TCF12: variants seen among roughly 807,000 people sequenced by gnomAD.
TCF12 encodes the protein transcription factor 12, also known as DNA-binding protein HTF4.
TCF12 carries 45 observed loss-of-function variants against 86.0 expected under a neutral mutation model. The observed-to-expected ratio is 0.52, with a 90% CI of 0.41 to 0.67. The LOEUF (loss-of-function observed/expected upper bound fraction) is 0.67, where lower values mean the gene tolerates loss of function less well. Among genes scored for constraint, TCF12 ranks in the 30% least tolerant of loss-of-function variants. TCF12 has a pLI of 0.00. For missense variants in TCF12, 881 were observed against 859.9 expected, an observed-to-expected ratio of 1.02 and a Z score of -0.31; for synonymous variants, 330 against 299.6, an observed-to-expected ratio of 1.10 and a Z score of -1.05.
chr15:57,135,348 GT>G (rs1227228429), intron 5 of TCF12, among the ~76,000 whole-genome samples: 14 of 152,158 alleles, frequency 9.2e-5, no homozygotes, highest in Non-Finnish European at 1.5e-5. Context: ...ATGAAAACAT[GT>G]ATTCTGAGCA....
At chr15:57,150,980 C>T (rs1417642162) in intron 5 of TCF12, among the ~76,000 whole-genome samples, 7 of 144,024 alleles carry the variant, frequency 4.9e-5, no homozygotes, top group Non-Finnish European at 9.0e-5. Flanking sequence ...CCCCTTTCCC[C>T]TTTTTTCTCC....
intron 3 of TCF12, among the ~76,000 whole-genome samples, chr15:56,989,556 G>T (rs552882632): frequency 1.3e-5 from 2 of 152,320 alleles, no homozygotes; most frequent in East Asian, 3.9e-4. Context: ...CAGTGTGTGT[G>T]TGTCTGTCTT....
intron 3 of TCF12, among the ~76,000 whole-genome samples, chr15:57,021,374 C>T (rs1352719665): frequency 3.3e-5 from 5 of 152,134 alleles, no homozygotes; most frequent in African/African-American, 4.8e-5. Context: ...ACATTGGCAT[C>T]GGGCGCGGTG....
chr15:57,062,892 C>T (rs2068572978), intron 3 of TCF12, among the ~76,000 whole-genome samples: 1 of 152,164 alleles, frequency 6.6e-6, no homozygotes, highest in Non-Finnish European at 1.5e-5. Context: ...GAAGTGTACC[C>T]TCCTTGCAGT....
chr15:57,254,367 T>G (rs2060250245), intron 16 of TCF12, among the ~76,000 whole-genome samples: 1 of 152,184 alleles, frequency 6.6e-6, no homozygotes, highest in African/African-American at 2.4e-5. Context: ...ATACACTCAT[T>G]TTTGAGCCTC....
Position 57,232,317 on chromosome 15 carries a change from T to C in TCF12, c.712T>C (p.Trp238Arg). 1.2e-6 allele frequency: 2 copies of C among 1,614,064 alleles called. No homozygotes were observed. Among genetic ancestry groups the C allele is most frequent in the Non-Finnish European group, 1.7e-6 (2 of 1,179,926 alleles). ...QDGTHNSSDL[W>R]SSSNGMSQPG... Reference sequence around the variant, plus strand: ...TGGGACCCACAATTCTTCTGACCTTTGGAGTTCATCAAATGGGATGAGCCA... The same window carrying C: ...TGGGACCCACAATTCTTCTGACCTTCGGAGTTCATCAAATGGGATGAGCCA... Residue 238 changes from tryptophan (W) to arginine (R), a missense_variant, in exon 10 of 21, where the codon TGG becomes CGG. This residue lies in a region of TCF12 where 766 missense variants were observed against 718.9 expected (regional missense o/e 1.07). Transcript: ENST00000333725.
At chr15:56,966,089 T>C (rs80131776) in intron 3 of TCF12, among the ~76,000 whole-genome samples, 1,763 of 152,288 alleles carry the variant, frequency 0.012, 31 homozygotes, top group African/African-American at 0.04. Context: ...TTGAAAGGAA[T>C]GTTTGATTAT....
intron 4 of TCF12, among the ~76,000 whole-genome samples, chr15:57,073,853 A>G (rs1199475422): frequency 6.6e-6 from 1 of 152,044 alleles, no homozygotes; most frequent in Non-Finnish European, 1.5e-5. Flanking sequence ...GGTTCATGCC[A>G]TTCTCCTGCC....
chr15:57,189,637 G>A (rs1204002237), intron 6 of TCF12, among the ~76,000 whole-genome samples: 7 of 152,188 alleles, frequency 4.6e-5, no homozygotes, highest in Non-Finnish European at 8.8e-5. Flanking sequence ...TTGCTAGTTG[G>A]AATGTAAAAT....
chr15:57,233,478 TC>T (rs1294077316), intron 11 of TCF12, among the ~76,000 whole-genome samples: 1 of 152,046 alleles, frequency 6.6e-6, no homozygotes, highest in Non-Finnish European at 1.5e-5. Flanking sequence ...ACACGTGGCC[TC>T]TTTTTTTATT....
chr15:56,954,950 G>A (rs565477026), intron 3 of TCF12, among the ~76,000 whole-genome samples: 6 of 152,318 alleles, frequency 3.9e-5, no homozygotes, highest in Admixed American at 3.9e-4. Context: ...TACACTGTTG[G>A]TGGGACCGTA....
At chr15:57,195,909 C>G (rs1420644842) in intron 7 of TCF12, among the ~76,000 whole-genome samples, 1 of 152,144 alleles carries the variant, frequency 6.6e-6, no homozygotes, top group African/African-American at 2.4e-5. Context: ...GAGACCAAGG[C>G]AGGGGAATTG....
At chr15:57,074,365 A>C (rs1227744945) in intron 4 of TCF12, among the ~76,000 whole-genome samples, 6 of 146,396 alleles carry the variant, frequency 4.1e-5, no homozygotes, top group Admixed American at 6.8e-5. Flanking sequence ...TTGATTAAAA[A>C]AAAAAAAAAA....
At chr15:56,946,798 CT>C (rs71113039) in intron 3 of TCF12, among the ~76,000 whole-genome samples, 22,406 of 113,112 alleles carry the variant, frequency 0.2, 1,349 homozygotes, top group Middle Eastern at 0.23. Context: ...TCTAAAGTAC[CT>C]TTTTTTTTTT....
chr15:57,033,857 G>A (rs1338500323), intron 3 of TCF12, among the ~76,000 whole-genome samples: 2 of 152,052 alleles, frequency 1.3e-5, no homozygotes, highest in East Asian at 3.8e-4. Flanking sequence ...TATTACAAGG[G>A]AACACAAATA....
intron 6 of TCF12, among the ~76,000 whole-genome samples, chr15:57,182,674 A>G (rs766504284): frequency 6.6e-6 from 1 of 152,194 alleles, no homozygotes; most frequent in Non-Finnish European, 1.5e-5. Context: ...ACTGTGGAAC[A>G]AGAAGACAGG....
intron 3 of TCF12, among the ~76,000 whole-genome samples, chr15:56,957,315 AT>A (rs1473746762): frequency 6.6e-6 from 1 of 152,168 alleles, no homozygotes; most frequent in Non-Finnish European, 1.5e-5. Context: ...TTTTTAGATA[AT>A]TTACTGGGCC....
intron 4 of TCF12, among the ~76,000 whole-genome samples, chr15:57,068,613 A>G (rs2069106709): frequency 6.6e-6 from 1 of 152,190 alleles, no homozygotes; most frequent in Non-Finnish European, 1.5e-5. Context: ...TGAGTGCTCT[A>G]TACATGTTTG....
intron 16 of TCF12, among the ~76,000 whole-genome samples, chr15:57,255,339 G>T (rs545106419): frequency 6.6e-6 from 1 of 152,132 alleles, no homozygotes; most frequent in Non-Finnish European, 1.5e-5. Context: ...TTAGAAGACT[G>T]TTAGAGGGAA....
Sources: gnomAD v4.1 joint callset for allele counts (sites outside exome capture counted in the v4.1 genomes callset) on GRCh38, gnomAD v4.1.1 for gene constraint, gnomAD v4.1.1 regional missense constraint, MANE v1.5 for transcripts, NCBI Gene and HGNC (gene_info 2026-07-23, HGNC 2026-07-21) for gene names.